The following TMC5 variants were observed in gnomAD, a reference collection of about 807,000 sequenced individuals.
TMC5 encodes transmembrane channel-like protein 5.
Under a neutral mutation model 110.5 loss-of-function variants are expected in TMC5, and 86 were observed. That is an observed-to-expected ratio of 0.78 (90% CI 0.65 to 0.93). The LOEUF (loss-of-function observed/expected upper bound fraction) is 0.93. Ranked by LOEUF, TMC5 falls within the 40% of genes least tolerant of loss-of-function variation. The pLI, the probability that TMC5 is intolerant of heterozygous loss-of-function variation, is 0.00. For missense variants in TMC5, 1,144 were observed against 1,222.8 expected, an observed-to-expected ratio of 0.94 and a Z score of 0.96; for synonymous variants, 455 against 439.5, an observed-to-expected ratio of 1.04 and a Z score of -0.44.
At chr16:19,493,492 A>T in intron 19 of TMC5, among the ~76,000 whole-genome samples, 1 of 70,778 alleles carries the variant, frequency 1.4e-5, no homozygotes, top group African/African-American at 4.2e-5. Context: ...ACAGAATCTC[A>T]CTGTGTCTCC....
At chr16:19,494,738 T>C (rs58691654) in intron 20 of TMC5, among the ~76,000 whole-genome samples, 2 of 151,902 alleles carry the variant, frequency 1.3e-5, no homozygotes, top group African/African-American at 2.4e-5. Context: ...ACCCAGGAGG[T>C]GGAGGTTGCG....
chr16:19,481,315 A>T lies in TMC5; in HGVS notation c.2268-55A>T. ...TGTTGATTGTCCTAGTCTGTGGGGG[A>T]TCTTCTGAAAGTGGGAGTTATGGTT... On this transcript the variant is annotated intron_variant, in intron 14 of 21. Transcript: ENST00000542583. 3.3e-6 allele frequency: 4 copies of T among 1,217,814 alleles called. No individual in the cohort carries two copies. In the Admixed American group the frequency reaches 5.0e-5, roughly 15 times the overall value. 75.4% of individuals were successfully genotyped at this position (1,217,814 alleles called of 1,614,324 possible).
At chr16:19,475,844 G>A (rs533529119) in intron 12 of TMC5, among the ~76,000 whole-genome samples, 103 of 129,332 alleles carry the variant, frequency 8.0e-4, no homozygotes, top group African/African-American at 2.9e-3. Context: ...TCATTCTGTC[G>A]CCCAGGCTGG....
intron 2 of TMC5, among the ~76,000 whole-genome samples, chr16:19,434,028 CTATATAT>C (rs1567300177): frequency 9.9e-3 from 56 of 5,640 alleles, no homozygotes; most frequent in Non-Finnish European, 0.015. Flanking sequence ...ATATATAAAT[CTATATAT>C]TATATATATA....
Position 19,449,591 on chromosome 16 carries a change from C to T in TMC5, c.1008C>T (p.Asn336=), listed in dbSNP as rs770451801. The change falls in exon 5 of 22, where the codon AAC becomes AAT. Residue 336 remains asparagine, a synonymous_variant. Transcript: ENST00000542583. ...GESGPVHAYG[N]PPLSECDWHK... ...GTGGTCCTGTCCATGCTTATGGAAA[C>T]CCACCATTGTCTGAATGTGATTGGC... The T allele has an allele frequency of 6.2e-7, 1 of 1,614,050 alleles. No homozygotes were observed. The highest frequency in any genetic ancestry group is 1.1e-5 in the South Asian group (1 of 91,082).
intron 4 of TMC5, 96 bp from the exon 5 acceptor site, chr16:19,449,446 G>C: frequency 9.6e-7 from 1 of 1,039,618 alleles, no homozygotes; most frequent in Non-Finnish European, 1.5e-6. Flanking sequence ...CTTATTAGCC[G>C]TTACGAACCA....
At chr16:19,425,747 C>T (rs532381138) in intron 1 of TMC5, among the ~76,000 whole-genome samples, 14 of 152,280 alleles carry the variant, frequency 9.2e-5, no homozygotes, top group South Asian at 6.2e-4. Flanking sequence ...AGTGCAGTGG[C>T]GTGATCTCAG....
chr16:19,492,936 C>CATATATATA (rs1968949399), intron 19 of TMC5, among the ~76,000 whole-genome samples: 1 of 92,408 alleles, frequency 1.1e-5, no homozygotes, highest in South Asian at 5.3e-4. Context: ...ATATATATCT[C>CATATATATA]TCTATAAGAT....
Position 19,460,343 on chromosome 16 carries a change from T to C in TMC5, c.1148+9T>C, listed in dbSNP as rs6497375. The C allele has an allele frequency of 0.81, 1,285,279 of 1,591,270 alleles. 520,543 individuals carry two copies. Among genetic ancestry groups the C allele is most frequent in the South Asian group, 0.94 (83,684 of 89,276 alleles). Reference sequence around the variant, plus strand: ...GAGAAAAGGAACCTTAGGTATGGACTAAAGGCTTTTCTTCTTTCTCAGATT... The same window carrying C: ...GAGAAAAGGAACCTTAGGTATGGACCAAAGGCTTTTCTTCTTTCTCAGATT... On this transcript the variant is annotated intron_variant, in intron 6 of 21. Transcript: ENST00000542583.
At chr16:19,476,193 A>T (rs1222465039) in intron 12 of TMC5, among the ~76,000 whole-genome samples, 1 of 152,076 alleles carries the variant, frequency 6.6e-6, no homozygotes, top group Non-Finnish European at 1.5e-5. Context: ...ATAAATATTT[A>T]AAAATTAGTC....
chr16:19,452,158 G>C (rs149959169), intron 5 of TMC5, among the ~76,000 whole-genome samples: 1 of 152,274 alleles, frequency 6.6e-6, no homozygotes, highest in African/African-American at 2.4e-5. Flanking sequence ...CCTTTGGTTT[G>C]GTTAATTTGC....
intron 2 of TMC5, among the ~76,000 whole-genome samples, chr16:19,434,910 C>T (rs376621518): frequency 4.2e-4 from 64 of 152,182 alleles, no homozygotes; most frequent in African/African-American, 1.3e-3. Flanking sequence ...AGCCAGCAAA[C>T]GGAAAGTAAG....
intron 1 of TMC5, among the ~76,000 whole-genome samples, chr16:19,423,708 C>A (rs979637445): frequency 1.3e-5 from 2 of 152,208 alleles, no homozygotes; most frequent in African/African-American, 4.8e-5. Context: ...CCACACTGAC[C>A]AAGTCTCCAA....
rs530544446 is a variant in TMC5, at chr16:19,474,004, A to T, written c.1939-121A>T. 1.2e-5 allele frequency: 11 copies of T among 928,390 alleles called. No homozygotes were observed. In the African/African-American group the frequency reaches 1.9e-4, roughly 16 times the overall value. The allele number at this position is 928,390 out of a possible 1,614,324, so 57.5% of individuals were successfully genotyped here. ...CAAAAAAATTAAAATAAATAAATAG[A>T]TAAATAGTTAACCGCAGAGGAGCTA... On this transcript the variant is annotated intron_variant, in intron 11 of 21. Transcript: ENST00000542583.
At chr16:19,471,439 A>C (rs562156829) in intron 10 of TMC5, among the ~76,000 whole-genome samples, 1 of 152,330 alleles carries the variant, frequency 6.6e-6, no homozygotes, top group South Asian at 2.1e-4. Context: ...CTTCTTTCTC[A>C]GTGTAGATAC....
At chr16:19,476,792 T>C (rs1457214793) in intron 12 of TMC5, 1 of 152,906 alleles carries the variant, frequency 6.5e-6, no homozygotes, top group Non-Finnish European at 1.5e-5. Flanking sequence ...TCGTGTTATA[T>C]ACACAGTGTG....
chr16:19,471,299 C>G (rs1968335795), intron 10 of TMC5, among the ~76,000 whole-genome samples: 1 of 152,200 alleles, frequency 6.6e-6, no homozygotes, highest in Non-Finnish European at 1.5e-5. Context: ...CTATGTTGCC[C>G]AGGCTGGTCT....
At chr16:19,419,436 A>G (rs1409120955) in intron 1 of TMC5, among the ~76,000 whole-genome samples, 2 of 94,532 alleles carry the variant, frequency 2.1e-5, no homozygotes, top group Non-Finnish European at 4.0e-5. Context: ...TTTTTGAGAC[A>G]GTGTCTTGCT....
chr16:19,469,437 A>C (rs1968268972), intron 9 of TMC5, among the ~76,000 whole-genome samples: 1 of 152,154 alleles, frequency 6.6e-6, no homozygotes, highest in African/African-American at 2.4e-5. Context: ...GAGAATCAGA[A>C]CCATTCACAA....
Sources: gnomAD v4.1 joint callset for allele counts (sites outside exome capture counted in the v4.1 genomes callset) on GRCh38, gnomAD v4.1.1 for gene constraint, MANE v1.5 for transcripts, NCBI Gene and HGNC (gene_info 2026-07-23, HGNC 2026-07-21) for gene names.